The following CLYBL variants were observed in gnomAD, a reference collection of about 807,000 sequenced individuals.
CLYBL encodes citramalyl-CoA lyase, mitochondrial.
A neutral mutation model predicts 38.9 loss-of-function variants in CLYBL; 31 were observed. The observed-to-expected ratio is 0.80, with a 90% CI of 0.60 to 1.08. The LOEUF is 1.08. Ranked by LOEUF, CLYBL falls within the 50% of genes least tolerant of loss-of-function variation. CLYBL has a pLI of 0.00. For missense variants in CLYBL, 434 were observed against 411.6 expected (o/e 1.05, Z -0.47); for synonymous variants, 171 against 158.6 (o/e 1.08, Z -0.59).
chr13:99,854,648 C>G (rs1034140450), intron 2 of CLYBL, among the ~76,000 whole-genome samples: 1 of 152,118 alleles, frequency 6.6e-6, no homozygotes, highest in African/African-American at 2.4e-5. Context: ...TTTGATCATT[C>G]TGAGCTAGAA....
intron 1 of CLYBL, among the ~76,000 whole-genome samples, chr13:99,717,075 G>C (rs111718788): frequency 3.9e-4 from 60 of 151,910 alleles, no homozygotes; most frequent in African/African-American, 1.4e-3. Flanking sequence ...ACAGGCGTGA[G>C]CCACCACGCC....
chr13:99,613,842 A>C (rs2046666677), intron 1 of CLYBL, among the ~76,000 whole-genome samples: 1 of 152,244 alleles, frequency 6.6e-6, no homozygotes, highest in East Asian at 1.9e-4. Flanking sequence ...AGTTGACTTC[A>C]GTTGCCCAAA....
chr13:99,640,826 C>T (rs2139266437), intron 1 of CLYBL, among the ~76,000 whole-genome samples: 1 of 152,302 alleles, frequency 6.6e-6, no homozygotes, highest in South Asian at 2.1e-4. Flanking sequence ...AATTTGTATG[C>T]ATGTACCCAG....
At chr13:99,747,026 G>T (rs1474139253) in intron 1 of CLYBL, among the ~76,000 whole-genome samples, 1 of 151,970 alleles carries the variant, frequency 6.6e-6, no homozygotes, top group African/African-American at 2.4e-5. Context: ...TCGGAGTCAC[G>T]GCAGGAAAAA....
intron 2 of CLYBL, among the ~76,000 whole-genome samples, chr13:99,818,773 T>C (rs924479498): frequency 6.6e-6 from 1 of 152,210 alleles, no homozygotes; most frequent in South Asian, 2.1e-4. Flanking sequence ...CGTTTGTACT[T>C]AGTTGCAGTA....
intron 2 of CLYBL, among the ~76,000 whole-genome samples, chr13:99,802,066 CT>C (rs1203202303): frequency 2.0e-5 from 3 of 151,948 alleles, no homozygotes; most frequent in Admixed American, 1.3e-4. Flanking sequence ...TACCTAGAAT[CT>C]TTTTTTTAGT....
intron 1 of CLYBL, among the ~76,000 whole-genome samples, chr13:99,687,725 A>G (rs1369823475): frequency 1.3e-5 from 2 of 152,244 alleles, no homozygotes; most frequent in East Asian, 3.8e-4. Flanking sequence ...ATACCTGGTC[A>G]GGGACCAGGC....
intron 1 of CLYBL, among the ~76,000 whole-genome samples, chr13:99,720,344 T>C (rs2048375850): frequency 6.6e-6 from 1 of 152,242 alleles, no homozygotes; most frequent in Non-Finnish European, 1.5e-5. Context: ...TGTAGCATGT[T>C]ATCAGAGTCT....
chr13:99,833,412 A>G (rs1269085247), intron 2 of CLYBL, among the ~76,000 whole-genome samples: 2 of 152,078 alleles, frequency 1.3e-5, no homozygotes, highest in Non-Finnish European at 2.9e-5. Context: ...CCTAAATGTT[A>G]TATTACATTA....
chr13:99,788,071 G>C (rs1043087607), intron 2 of CLYBL, among the ~76,000 whole-genome samples: 3 of 152,200 alleles, frequency 2.0e-5, no homozygotes, highest in Non-Finnish European at 4.4e-5. Context: ...CTTTGCTGAA[G>C]TTGCTTATCA....
downstream of CLYBL, among the ~76,000 whole-genome samples, chr13:99,899,067 A>T (rs897563497): frequency 6.6e-6 from 1 of 152,224 alleles, no homozygotes; most frequent in South Asian, 2.1e-4. Context: ...AGAAGAAGCC[A>T]TTTATTCTCT....
rs540345805 is a variant in CLYBL, at chr13:99,614,774, G to A, written c.62+8017G>A. On this transcript the variant is annotated intron_variant, in intron 1 of 8. Transcript: ENST00000339105. ...TCTGTGGGAGAGGCCAAGGAGTCAG[G>A]GGGGGAGGCCGGGACCTGAAGATCA... Among the ~76,000 whole-genome samples the A allele has an allele frequency of 3.9e-5, 6 of 152,166 alleles. No individual in the cohort carries two copies. The South Asian group carries it at 6.2e-4, about 16-fold the overall frequency.
chr13:99,725,040 G>A (rs1188609626), intron 1 of CLYBL, among the ~76,000 whole-genome samples: 6 of 152,166 alleles, frequency 3.9e-5, no homozygotes, highest in South Asian at 2.1e-4. Context: ...CCATTGCTGA[G>A]GCTGAAAGTT....
chr13:99,683,302 G>A (rs1278373474), intron 1 of CLYBL, among the ~76,000 whole-genome samples: 1 of 148,882 alleles, frequency 6.7e-6, no homozygotes, highest in Non-Finnish European at 1.5e-5. Flanking sequence ...GGCTGGTCTC[G>A]AACTCCTGAC....
intron 2 of CLYBL, among the ~76,000 whole-genome samples, chr13:99,815,241 C>T (rs1239542201): frequency 3.9e-5 from 6 of 152,088 alleles, no homozygotes; most frequent in African/African-American, 9.7e-5. Context: ...TAAAACCTTG[C>T]GTGCTGCAAG....
intron 1 of CLYBL, among the ~76,000 whole-genome samples, chr13:99,656,216 G>A (rs1000637266): frequency 4.6e-5 from 7 of 152,196 alleles, no homozygotes; most frequent in African/African-American, 1.7e-4. Context: ...AGGATGCGGT[G>A]GAGAAATGGG....
rs2051726821 is a variant in CLYBL at position 99,865,766 on chromosome 13, G to T, written c.635-474G>T. Among the ~76,000 whole-genome samples the T allele has an allele frequency of 6.6e-6, 1 of 152,212 alleles. No homozygotes were observed. The highest frequency in any genetic ancestry group is 2.4e-5 in the African/African-American group (1 of 41,456). Reference sequence around the variant, plus strand: ...TCTCCCCAAGTTCTCCATCCAGACAGACCCTGAAGCTGAAGCATTTGGCTC... The same window carrying T: ...TCTCCCCAAGTTCTCCATCCAGACATACCCTGAAGCTGAAGCATTTGGCTC... On this transcript the variant is annotated intron_variant, in intron 5 of 8. Transcript: ENST00000339105. This position sits in a 1 kb window ranked among gnomAD's most constrained non-coding sequence, Gnocchi z 4.7.
intron 1 of CLYBL, among the ~76,000 whole-genome samples, chr13:99,757,102 G>A (rs928143733): frequency 6.6e-6 from 1 of 152,128 alleles, no homozygotes; most frequent in Non-Finnish European, 1.5e-5. Context: ...GCCTCCATGT[G>A]TTGCCCAGGC....
At chr13:99,833,664 A>G (rs947193322) in intron 2 of CLYBL, among the ~76,000 whole-genome samples, 6 of 145,280 alleles carry the variant, frequency 4.1e-5, no homozygotes, top group African/African-American at 1.5e-4. Context: ...ATGTGACAGG[A>G]AGCGGGGTTA....
Sources: gnomAD v4.1 joint callset for allele counts (sites outside exome capture counted in the v4.1 genomes callset) on GRCh38, gnomAD v4.1.1 for gene constraint, Gnocchi (gnomAD v3.1) non-coding constraint, MANE v1.5 for transcripts, NCBI Gene and HGNC (gene_info 2026-07-23, HGNC 2026-07-21) for gene names.